The following SUCLG2 variants were observed in gnomAD, a reference collection of about 807,000 sequenced individuals.
SUCLG2 encodes succinate--CoA ligase [GDP-forming] subunit beta, mitochondrial.
A neutral mutation model predicts 47.9 loss-of-function variants in SUCLG2; 42 were observed. The observed-to-expected ratio is 0.88, with a 90% CI of 0.69 to 1.14. The LOEUF (loss-of-function observed/expected upper bound fraction) is 1.14. Among genes scored for constraint, SUCLG2 ranks in the 50% most tolerant of loss-of-function variants. SUCLG2 has a pLI of 0.00. For missense variants in SUCLG2, 571 were observed against 525.9 expected (o/e 1.09, Z -0.84); for synonymous variants, 195 against 197.3 (o/e 0.99, Z 0.10).
At chr3:67,431,843 A>G (rs1703492839) in intron 9 of SUCLG2, among the ~76,000 whole-genome samples, 1 of 152,220 alleles carries the variant, frequency 6.6e-6, no homozygotes, top group Admixed American at 6.5e-5. Flanking sequence ...CATGTAACAA[A>G]CCTGCACGTT....
At chr3:67,540,034 G>C (rs1706659301) in intron 2 of SUCLG2, among the ~76,000 whole-genome samples, 1 of 150,820 alleles carries the variant, frequency 6.6e-6, no homozygotes, top group Non-Finnish European at 1.5e-5. Context: ...TTTTTTTAAG[G>C]GCTTTTCGTG....
At chr3:67,395,284 T>C (rs1183904830) in intron 10 of SUCLG2, among the ~76,000 whole-genome samples, 18 of 151,946 alleles carry the variant, frequency 1.2e-4, no homozygotes, top group Non-Finnish European at 2.2e-4. Flanking sequence ...ACCCATCTCA[T>C]GTGCAGAGAC....
intron 10 of SUCLG2, 50 bp downstream of exon 10, chr3:67,400,681 C>T (rs572937968): frequency 3.7e-5 from 59 of 1,599,810 alleles, no homozygotes; most frequent in Non-Finnish European, 4.9e-5. Flanking sequence ...TGCTGGTCAC[C>T]TGACCTTGGA....
At chr3:67,464,217 G>A (rs73836526) in intron 9 of SUCLG2, among the ~76,000 whole-genome samples, 3,582 of 152,206 alleles carry the variant, frequency 0.024, 79 homozygotes, top group African/African-American at 0.059. Flanking sequence ...GACTGACAGG[G>A]CAATCAGCAC....
intron 1 of SUCLG2, among the ~76,000 whole-genome samples, chr3:67,614,951 G>A (rs1445844981): frequency 2.6e-5 from 4 of 152,144 alleles, no homozygotes; most frequent in Non-Finnish European, 4.4e-5. Context: ...GCTGGGGTAG[G>A]TGGGCACCTA....
chr3:67,434,641 G>T (rs1156672240), intron 9 of SUCLG2, among the ~76,000 whole-genome samples: 2 of 152,206 alleles, frequency 1.3e-5, no homozygotes, highest in African/African-American at 4.8e-5. Context: ...GAGAGAAGGG[G>T]AAGGCCAGCA....
At chr3:67,428,187 C>T (rs935966676) in intron 9 of SUCLG2, among the ~76,000 whole-genome samples, 2 of 152,230 alleles carry the variant, frequency 1.3e-5, no homozygotes, top group African/African-American at 4.8e-5. Flanking sequence ...CTGGGAGGCA[C>T]CTCCCAGTAG....
At chr3:67,511,472 G>A (rs1275184533) in intron 6 of SUCLG2, among the ~76,000 whole-genome samples, 1 of 152,248 alleles carries the variant, frequency 6.6e-6, no homozygotes, top group East Asian at 1.9e-4. Context: ...TAAGTCTCAC[G>A]AGATCTGGTG....
intron 6 of SUCLG2, among the ~76,000 whole-genome samples, chr3:67,516,395 A>T (rs1469971966): frequency 6.6e-6 from 1 of 152,172 alleles, no homozygotes; most frequent in African/African-American, 2.4e-5. Context: ...ATTTTCTCGT[A>T]TAATATGTAG....
intron 9 of SUCLG2, among the ~76,000 whole-genome samples, chr3:67,441,607 A>G (rs1703766049): frequency 6.6e-6 from 1 of 152,054 alleles, no homozygotes; most frequent in South Asian, 2.1e-4. Context: ...ACCCTCAAAA[A>G]CTGGGAGTGA....
rs533323138 is a variant in SUCLG2, at chr3:67,397,278, C to T, written c.1183+3453G>A. On this transcript the variant is annotated intron_variant, in intron 10 of 10. Coordinates refer to ENST00000307227, the MANE Select transcript of SUCLG2 (RefSeq NM_003848.4). ...TGACTGTATATCTAGAAAACCCCAT[C>T]GTCTCAGCCCAAAATCTCCTTAAGC... Among the ~76,000 whole-genome samples the T allele has an allele frequency of 3.6e-3, 554 of 152,196 alleles. 5 individuals carry two copies. The highest frequency in any genetic ancestry group is 8.3e-3 in the South Asian group (40 of 4,812).
intron 6 of SUCLG2, among the ~76,000 whole-genome samples, chr3:67,510,462 G>A (rs542904942): frequency 6.6e-6 from 1 of 152,228 alleles, no homozygotes; most frequent in East Asian, 1.9e-4. Flanking sequence ...TTCCCTGATT[G>A]TACCACTCAA....
At chr3:67,592,421 G>C (rs1708185498) in intron 2 of SUCLG2, among the ~76,000 whole-genome samples, 2 of 152,124 alleles carry the variant, frequency 1.3e-5, no homozygotes, top group Admixed American at 6.5e-5. Flanking sequence ...AGACCTTATG[G>C]AGCAACTTCA....
At position 67,489,200 on chromosome 3, in the gene SUCLG2, T is replaced by G. The variant is rs137976666; in HGVS notation, c.1062+6598A>C. On this transcript the variant is annotated intron_variant, in intron 9 of 10. Coordinates refer to ENST00000307227, the MANE Select transcript of SUCLG2 (RefSeq NM_003848.4). ...GTATTGGCAGGTAAAATGGAACAAA[T>G]GTGAGGTGGGCAAGGAGGGCCAGAT... 1.1e-3 allele frequency among the ~76,000 whole-genome samples: 162 copies of G among 152,192 alleles called. No individual in the cohort carries two copies. In the East Asian group the frequency reaches 0.025, roughly 24 times the overall value.
At chr3:67,450,921 CT>C (rs1704041414) in intron 9 of SUCLG2, among the ~76,000 whole-genome samples, 1 of 152,176 alleles carries the variant, frequency 6.6e-6, no homozygotes, top group Admixed American at 6.5e-5. Context: ...CCCTAATTCA[CT>C]TCTTTGGCCT....
chr3:67,568,079 G>A (rs558239795), intron 2 of SUCLG2, among the ~76,000 whole-genome samples: 2 of 152,338 alleles, frequency 1.3e-5, no homozygotes, highest in African/African-American at 4.8e-5. Flanking sequence ...TGTTGTGTGT[G>A]TGAGAGAGAC....
intron 10 of SUCLG2, among the ~76,000 whole-genome samples, chr3:67,391,678 C>A (rs751358561): frequency 1.6e-4 from 25 of 152,116 alleles, no homozygotes; most frequent in South Asian, 4.2e-4. Flanking sequence ...AGATTTGCTG[C>A]TAACACCCAG....
chr3:67,461,456 G>T (rs887195654), intron 9 of SUCLG2, among the ~76,000 whole-genome samples: 2 of 152,030 alleles, frequency 1.3e-5, no homozygotes, highest in African/African-American at 4.8e-5. Flanking sequence ...ATTCTGAGGG[G>T]GAAGGGGTTT....
In SUCLG2 at chr3:67,572,192, C is replaced by T. The variant is rs561203053; in HGVS notation, c.226+37263G>A. ...GAACTAAAAAGGTTTAATTTATTCC[C>T]TTTGTGTCTGTGTCTCCTACAATCC... is the stretch of plus-strand genomic sequence containing the variant. On this transcript the variant is annotated intron_variant, in intron 2 of 10. Transcript: ENST00000307227. Among the ~76,000 whole-genome samples the T allele has an allele frequency of 2.2e-4, 34 of 152,294 alleles. No individual in the cohort carries two copies. The East Asian group carries it at 6.2e-3, about 28-fold the overall frequency.
Sources: allele counts gnomAD v4.1 joint callset (sites outside exome capture counted in the v4.1 genomes callset), GRCh38; gene constraint gnomAD v4.1.1; transcripts MANE v1.5; gene names NCBI Gene and HGNC (gene_info 2026-07-23, HGNC 2026-07-21).